The following LDB2 variants were observed in gnomAD, a reference collection of about 807,000 sequenced individuals.
LDB2 encodes LIM domain binding 2, also known as LIM domain-binding protein 2.
In LDB2, 12 loss-of-function variants were observed where a neutral mutation model predicts 44.3. The observed-to-expected ratio is 0.27, with a 90% CI of 0.17 to 0.44. The LOEUF (loss-of-function observed/expected upper bound fraction) is 0.44. Among genes scored for constraint, LDB2 ranks in the 20% least tolerant of loss-of-function variants. The pLI is 1.00. For synonymous variants in LDB2, 164 were observed against 174.8 expected (o/e 0.94, Z 0.49); for missense variants, 344 against 473.5 (o/e 0.73, Z 2.54).
intron 2 of LDB2, among the ~76,000 whole-genome samples, chr4:16,613,062 C>T (rs1447256723): frequency 1.4e-5 from 2 of 142,516 alleles, no homozygotes; most frequent in African/African-American, 5.1e-5. Flanking sequence ...GCAACATATG[C>T]AAATCAATAA....
chr4:16,612,807 A>G (rs1726058275), intron 2 of LDB2, among the ~76,000 whole-genome samples: 1 of 152,222 alleles, frequency 6.6e-6, no homozygotes, highest in Non-Finnish European at 1.5e-5. Flanking sequence ...TTCTGAAACT[A>G]TTCCAAACAG....
chr4:16,511,196 G>A (rs1220839408), intron 6 of LDB2, among the ~76,000 whole-genome samples: 3 of 152,122 alleles, frequency 2.0e-5, no homozygotes, highest in East Asian at 1.9e-4. Context: ...TATGTGCCTC[G>A]TGTTAATAAT....
intron 1 of LDB2, among the ~76,000 whole-genome samples, chr4:16,818,614 C>T (rs1781373475): frequency 6.6e-6 from 1 of 152,186 alleles, no homozygotes; most frequent in South Asian, 2.1e-4. Flanking sequence ...GTCTCAATGA[C>T]CACCTACCAG....
intron 5 of LDB2, among the ~76,000 whole-genome samples, chr4:16,578,844 A>G (rs1713001663): frequency 6.6e-6 from 1 of 152,240 alleles, no homozygotes. Context: ...CATATACACA[A>G]TGGAGTACTA....
At chr4:16,584,453 A>C (rs1378326965) in intron 5 of LDB2, among the ~76,000 whole-genome samples, 2 of 152,208 alleles carry the variant, frequency 1.3e-5, no homozygotes, top group African/African-American at 4.8e-5. Flanking sequence ...CAGTTCTGCC[A>C]CTTGTGTGTA....
At chr4:16,685,255 C>T (rs1217735898) in intron 2 of LDB2, among the ~76,000 whole-genome samples, 1 of 152,164 alleles carries the variant, frequency 6.6e-6, no homozygotes, top group African/African-American at 2.4e-5. Context: ...TTGGCTCTGC[C>T]AGTATGGAGG....
chr4:16,577,840 C>T (rs1712389137), intron 5 of LDB2, among the ~76,000 whole-genome samples: 1 of 152,086 alleles, frequency 6.6e-6, no homozygotes, highest in African/African-American at 2.4e-5. Context: ...GTAACTAAAA[C>T]AGCATGGTAC....
At chr4:16,801,840 A>G (rs1395038109) in intron 1 of LDB2, among the ~76,000 whole-genome samples, 2 of 152,196 alleles carry the variant, frequency 1.3e-5, no homozygotes, top group Non-Finnish European at 2.9e-5. Context: ...GAGTTTGGAA[A>G]AGGTGCTTTC....
At chr4:16,536,113 C>T (rs1010355014) in intron 5 of LDB2, among the ~76,000 whole-genome samples, 1 of 152,184 alleles carries the variant, frequency 6.6e-6, no homozygotes, top group Admixed American at 6.5e-5. Flanking sequence ...GCATTTGCCC[C>T]TACAGGATGG....
chr4:16,749,293 G>A (rs966619849), intron 2 of LDB2, among the ~76,000 whole-genome samples: 5 of 151,754 alleles, frequency 3.3e-5, no homozygotes, highest in South Asian at 2.1e-4. Flanking sequence ...TATGAGTCTC[G>A]GCGGGGTGTG....
chr4:16,643,601 A>C (rs900872086), intron 2 of LDB2, among the ~76,000 whole-genome samples: 2 of 152,260 alleles, frequency 1.3e-5, no homozygotes, highest in African/African-American at 4.8e-5. Flanking sequence ...TATGCAGATC[A>C]TGCCTAAAAA....
intron 2 of LDB2, among the ~76,000 whole-genome samples, chr4:16,619,766 T>A (rs1848040): frequency 0.021 from 3,146 of 151,988 alleles, 95 homozygotes; most frequent in African/African-American, 0.072. Context: ...AACTCCCTTT[T>A]GTCTTTGCAA....
At chr4:16,740,475 C>T (rs754739359) in intron 2 of LDB2, among the ~76,000 whole-genome samples, 13 of 152,226 alleles carry the variant, frequency 8.5e-5, no homozygotes, top group African/African-American at 2.4e-4. Context: ...GGCCTCCAAT[C>T]GTGCGAGCTG....
intron 2 of LDB2, among the ~76,000 whole-genome samples, chr4:16,744,560 C>T (rs528792344): frequency 1.4e-4 from 21 of 149,846 alleles, no homozygotes; most frequent in South Asian, 6.4e-4. Flanking sequence ...CTGCAAGCTC[C>T]GCCTCCTGGG....
intron 5 of LDB2, among the ~76,000 whole-genome samples, chr4:16,540,445 G>T (rs1173618936): frequency 6.6e-6 from 1 of 152,138 alleles, no homozygotes; most frequent in African/African-American, 2.4e-5. Flanking sequence ...CTTTACTCCA[G>T]CATCCTAACT....
intron 2 of LDB2, among the ~76,000 whole-genome samples, chr4:16,741,900 T>A (rs144197146): frequency 1.5e-3 from 233 of 152,334 alleles, no homozygotes; most frequent in African/African-American, 5.3e-3. Context: ...AGTCTATATT[T>A]TAAACCTTAT....
intron 3 of LDB2, among the ~76,000 whole-genome samples, chr4:16,595,342 G>A (rs1442331857): frequency 1.3e-5 from 2 of 152,112 alleles, no homozygotes; most frequent in Non-Finnish European, 2.9e-5. Context: ...TAACAAAGCT[G>A]AAATACAGTG....
At chr4:16,881,810 G>A (rs543079282) in intron 1 of LDB2, among the ~76,000 whole-genome samples, 2 of 151,916 alleles carry the variant, frequency 1.3e-5, no homozygotes, top group African/African-American at 4.8e-5. Context: ...CCTCACCCAA[G>A]GTTTAGATTA....
rs553551264 is a variant in LDB2, at chr4:16,533,576, T to C, written c.616-21472A>G. On this transcript the variant is annotated intron_variant, in intron 5 of 7. Coordinates refer to ENST00000304523, the MANE Select transcript of LDB2 (RefSeq NM_001290.5). This position sits in a 1 kb window ranked among gnomAD's most constrained non-coding sequence, Gnocchi z 4.1. Reference sequence around the variant, plus strand: ...TTTGACTCTGAACATGGTTTTATTTTTGTCTATAAAGCTGAGACTTCTCTC... The same window carrying C: ...TTTGACTCTGAACATGGTTTTATTTCTGTCTATAAAGCTGAGACTTCTCTC... Among the ~76,000 whole-genome samples, 57 of 152,326 alleles carry C rather than the reference T, an allele frequency of 3.7e-4. No homozygotes were observed. Among genetic ancestry groups the C allele is most frequent in the African/African-American group, 1.3e-3 (52 of 41,578 alleles).
Sources: gnomAD v4.1 joint callset for allele counts (sites outside exome capture counted in the v4.1 genomes callset) on GRCh38, gnomAD v4.1.1 for gene constraint, Gnocchi (gnomAD v3.1) non-coding constraint, MANE v1.5 for transcripts, NCBI Gene and HGNC (gene_info 2026-07-23, HGNC 2026-07-21) for gene names.